Variants in DNAJC27 observed in about 807,000 individuals in gnomAD.
The protein encoded by DNAJC27 is dnaJ homolog subfamily C member 27.
In DNAJC27, 25 loss-of-function variants were observed where a neutral mutation model predicts 31.4. The observed-to-expected ratio is 0.80, with a 90% CI of 0.58 to 1.11. The LOEUF (loss-of-function observed/expected upper bound fraction) is 1.11. DNAJC27 is among the 50% of genes most tolerant of loss of function. The probability of loss-of-function intolerance (pLI) is 0.00; values close to 1 mark genes in which losing one functional copy is unlikely to be tolerated. For synonymous variants in DNAJC27, 106 were observed against 112.7 expected (o/e 0.94, Z 0.37); for missense variants, 356 against 347.3 (o/e 1.02, Z -0.20).
chr2:24,950,390 G>A (rs1665739590), intron 6 of DNAJC27, among the ~76,000 whole-genome samples: 2 of 152,074 alleles, frequency 1.3e-5, no homozygotes, highest in Admixed American at 1.3e-4. Context: ...GAGTCTGGGC[G>A]CATATTGTAC....
At chr2:24,951,824 A>G (rs905111735) in intron 5 of DNAJC27, among the ~76,000 whole-genome samples, 1 of 152,128 alleles carries the variant, frequency 6.6e-6, no homozygotes, top group African/African-American at 2.4e-5. Flanking sequence ...AAAGTAACAG[A>G]TGGGCAGGGC....
chr2:24,964,854 A>G (rs1177719042), intron 2 of DNAJC27, among the ~76,000 whole-genome samples: 1 of 152,226 alleles, frequency 6.6e-6, no homozygotes, highest in Non-Finnish European at 1.5e-5. Context: ...ATGTCCTACT[A>G]TATCACTGAT....
At chr2:24,943,637 C>T (rs940156084), downstream of DNAJC27, 18 of 152,474 alleles carry the variant, frequency 1.2e-4, no homozygotes, top group African/African-American at 3.9e-4. Context: ...GCCCACAGAC[C>T]GGTGTTTGAT....
In DNAJC27 at chr2:24,944,322, ATGT is replaced by A. The variant is rs1007783912; in HGVS notation, c.*3291_*3293del. 24 of 149,960 alleles carry A rather than the reference ATGT, an allele frequency of 1.6e-4. No individual in the cohort carries two copies. Among genetic ancestry groups the A allele is most frequent in the African/African-American group, 5.6e-4 (23 of 40,778 alleles). 9.3% of individuals were successfully genotyped at this position (149,960 alleles called of 1,614,324 possible). ...GCAAAATCCCTCCCTTCCCCTTGTG[ATGT>A]TGTCATTGTTCAATGGGGCACAGCT... On this transcript the variant is annotated 3_prime_UTR_variant, in exon 7 of 7. Coordinates refer to ENST00000264711, the MANE Select transcript of DNAJC27 (RefSeq NM_016544.3).
chr2:24,952,524 T>G (rs975863993), intron 5 of DNAJC27, among the ~76,000 whole-genome samples: 1 of 152,218 alleles, frequency 6.6e-6, no homozygotes, highest in African/African-American at 2.4e-5. Flanking sequence ...TGTTTCTAGT[T>G]TTTTTGCTAC....
At chr2:24,972,006 A>C (rs1666358456), upstream of DNAJC27, 3 of 840,572 alleles carry the variant, frequency 3.6e-6, no homozygotes, top group South Asian at 2.2e-5. Context: ...TGCTCTCGTC[A>C]CCGCCTCGCC....
At chr2:24,964,763 G>T (rs1666137817) in intron 2 of DNAJC27, among the ~76,000 whole-genome samples, 1 of 152,054 alleles carries the variant, frequency 6.6e-6, no homozygotes, top group African/African-American at 2.4e-5. Flanking sequence ...ATGGTCCTTT[G>T]GCATAATATG....
intron 1 of DNAJC27, among the ~76,000 whole-genome samples, chr2:24,968,141 A>G (rs1036406049): frequency 3.3e-5 from 5 of 152,192 alleles, no homozygotes; most frequent in South Asian, 2.1e-4. Flanking sequence ...AGTATTGTAC[A>G]TACTTCTAGA....
intron 1 of DNAJC27, chr2:24,971,494 C>T (rs569719343): frequency 9.4e-6 from 2 of 211,776 alleles, no homozygotes; most frequent in Non-Finnish European, 1.9e-5. Flanking sequence ...CCGGACGGCC[C>T]CCTAGAACGC....
At chr2:24,968,876 AT>A (rs1416361125) in intron 1 of DNAJC27, 2 of 152,636 alleles carry the variant, frequency 1.3e-5, no homozygotes, top group African/African-American at 2.4e-5. Context: ...CTTAAAAAAA[AT>A]TTTTTTTTAA....
chr2:24,950,260 G>A (rs1475205974), intron 6 of DNAJC27, among the ~76,000 whole-genome samples: 2 of 152,124 alleles, frequency 1.3e-5, no homozygotes. Flanking sequence ...GATACGCTGT[G>A]AGGTCAGAAT....
At chr2:24,971,675 G>A in intron 1 of DNAJC27, 143 bp downstream of exon 1, 1 of 623,852 alleles carries the variant, frequency 1.6e-6, no homozygotes, top group Non-Finnish European at 2.6e-6. Context: ...CGTTCGCGGA[G>A]CCGCACCCCT....
At chr2:24,957,700 T>C (rs926785285) in intron 4 of DNAJC27, 110 bp downstream of exon 4, 4 of 1,041,004 alleles carry the variant, frequency 3.8e-6, no homozygotes, top group Non-Finnish European at 5.7e-6. Context: ...TGAAAGGTTA[T>C]TGATTTCCAT....
rs532507287 is a variant in DNAJC27, at chr2:24,946,078, A to G, written c.*1538T>C. On this transcript the variant is annotated 3_prime_UTR_variant, in exon 7 of 7. Transcript: ENST00000264711. The stretch of plus-strand genomic sequence containing the variant: ...AAGTATGAGTGATGTAACAAGAATG[A>G]CGACGTAATGAGTCAAGTGGTGAGA... 2.6e-5 allele frequency: 4 copies of G among 152,362 alleles called. No homozygotes were observed. The highest frequency in any genetic ancestry group is 9.6e-5 in the African/African-American group (4 of 41,580). The allele number at this position is 152,362 out of a possible 1,614,324, so 9.4% of individuals were successfully genotyped here.
intron 3 of DNAJC27, among the ~76,000 whole-genome samples, chr2:24,959,818 G>A (rs1412883969): frequency 6.6e-6 from 1 of 152,208 alleles, no homozygotes; most frequent in Non-Finnish European, 1.5e-5. Flanking sequence ...GTCCCCTGGA[G>A]TACCATACTG....
intron 3 of DNAJC27, among the ~76,000 whole-genome samples, chr2:24,960,971 G>A (rs1666025931): frequency 6.6e-6 from 1 of 152,246 alleles, no homozygotes; most frequent in Admixed American, 6.5e-5. Flanking sequence ...TTTCAATGCA[G>A]ATGAAACAGG....
At chr2:24,968,576 C>A (rs1666247255) in intron 1 of DNAJC27, among the ~76,000 whole-genome samples, 1 of 151,546 alleles carries the variant, frequency 6.6e-6, no homozygotes, top group Admixed American at 6.6e-5. Flanking sequence ...CGATCTGACC[C>A]CGTGAACCGC....
chr2:24,957,521 C>T (rs1295530497), intron 4 of DNAJC27, among the ~76,000 whole-genome samples: 1 of 152,050 alleles, frequency 6.6e-6, no homozygotes, highest in Non-Finnish European at 1.5e-5. Flanking sequence ...AATTAATGCC[C>T]CTACTCCAGT....
chr2:24,970,460 C>CTTTT (rs35742187), intron 1 of DNAJC27, among the ~76,000 whole-genome samples: 15 of 120,104 alleles, frequency 1.2e-4, no homozygotes, highest in South Asian at 2.7e-4. Flanking sequence ...AGTAAAATTA[C>CTTTT]TTTTTTTTTT....
Sources: gnomAD v4.1 joint callset for allele counts (sites outside exome capture counted in the v4.1 genomes callset) on GRCh38, gnomAD v4.1.1 for gene constraint, MANE v1.5 for transcripts, NCBI Gene and HGNC (gene_info 2026-07-23, HGNC 2026-07-21) for gene names.